FSTL5: variants seen among roughly 807,000 people sequenced by gnomAD.
The protein encoded by FSTL5 is follistatin-related protein 5.
Under a neutral mutation model 89.1 loss-of-function variants are expected in FSTL5, and 62 were observed. That is an observed-to-expected ratio of 0.70 (90% CI 0.57 to 0.86). The LOEUF (loss-of-function observed/expected upper bound fraction) is 0.86. FSTL5 is among the 40% of genes least tolerant of loss of function. The pLI is 0.00. For missense variants in FSTL5, 1,057 were observed against 1,001.6 expected (o/e 1.06, Z -0.75); for synonymous variants, 383 against 346.2 (o/e 1.11, Z -1.18).
At chr4:161,699,804 T>G (rs1738314239) in intron 6 of FSTL5, among the ~76,000 whole-genome samples, 1 of 152,114 alleles carries the variant, frequency 6.6e-6, no homozygotes, top group South Asian at 2.1e-4. Flanking sequence ...CCAGAGTTGA[T>G]GGGGGCAAAG....
intron 6 of FSTL5, among the ~76,000 whole-genome samples, chr4:161,716,013 G>A (rs150979735): frequency 2.6e-5 from 4 of 152,106 alleles, no homozygotes; most frequent in Admixed American, 2.0e-4. Context: ...CTCATTACAC[G>A]CAGCATCAAA....
chr4:161,592,366 G>T (rs893210140), intron 7 of FSTL5, among the ~76,000 whole-genome samples: 1 of 151,962 alleles, frequency 6.6e-6, no homozygotes, highest in Non-Finnish European at 1.5e-5. Context: ...ATGGTGGTTT[G>T]CTGCACCCAT....
At chr4:162,079,883 G>T (rs1480027746) in intron 2 of FSTL5, among the ~76,000 whole-genome samples, 1 of 150,988 alleles carries the variant, frequency 6.6e-6, no homozygotes, top group Non-Finnish European at 1.5e-5. Context: ...ATTGTTTCTT[G>T]TATATATATA....
At chr4:161,670,159 C>A (rs1296527734) in intron 6 of FSTL5, among the ~76,000 whole-genome samples, 1 of 152,072 alleles carries the variant, frequency 6.6e-6, no homozygotes, top group Non-Finnish European at 1.5e-5. Context: ...TAACGAAATT[C>A]AGTGTGGTAG....
At position 161,728,671 on chromosome 4, in the gene FSTL5, AG is replaced by A. The variant is rs762604064; in HGVS notation, c.727+30739del. ...AATATGGTAATATATACCAGGCAAA[AG>A]TTATTTCCTAGGAAAACTGTATAAT... On this transcript the variant is annotated intron_variant, in intron 6 of 15. Transcript: ENST00000306100. 3.9e-5 allele frequency among the ~76,000 whole-genome samples: 6 copies of A among 152,216 alleles called. No individual in the cohort carries two copies. In the East Asian group the frequency reaches 7.7e-4, roughly 20 times the overall value.
intron 4 of FSTL5, among the ~76,000 whole-genome samples, chr4:161,904,807 A>C (rs2110806963): frequency 6.6e-6 from 1 of 152,090 alleles, no homozygotes; most frequent in Admixed American, 6.6e-5. Flanking sequence ...AAGTATGAAG[A>C]CATATCAGTG....
chr4:162,110,503 T>C (rs1217532773), intron 2 of FSTL5, among the ~76,000 whole-genome samples: 1 of 151,882 alleles, frequency 6.6e-6, no homozygotes, highest in Non-Finnish European at 1.5e-5. Context: ...ATAGACAAGT[T>C]GAATACGAAA....
intron 4 of FSTL5, among the ~76,000 whole-genome samples, chr4:161,777,611 C>T (rs185866360): frequency 6.6e-6 from 1 of 151,768 alleles, no homozygotes. Flanking sequence ...TTTTAGGGCC[C>T]CTGGTATATA....
At chr4:161,616,053 C>A (rs1734855015) in intron 7 of FSTL5, among the ~76,000 whole-genome samples, 1 of 151,098 alleles carries the variant, frequency 6.6e-6, no homozygotes, top group Admixed American at 6.6e-5. Context: ...CTTGCTCTTT[C>A]TTTTCTGAGT....
At chr4:161,924,743 T>C (rs904522359) in intron 3 of FSTL5, among the ~76,000 whole-genome samples, 1 of 151,622 alleles carries the variant, frequency 6.6e-6, no homozygotes, top group African/African-American at 2.4e-5. Context: ...ATACAGGGCA[T>C]GGAATAGAGA....
intron 3 of FSTL5, among the ~76,000 whole-genome samples, chr4:161,930,055 T>A (rs1326033177): frequency 6.6e-6 from 1 of 151,820 alleles, no homozygotes; most frequent in Non-Finnish European, 1.5e-5. Context: ...TGGGGAAAGA[T>A]CCTTTAAATT....
At chr4:161,921,495 A>C (rs1458408159) in intron 3 of FSTL5, among the ~76,000 whole-genome samples, 1 of 152,160 alleles carries the variant, frequency 6.6e-6, no homozygotes, top group Non-Finnish European at 1.5e-5. Context: ...TTGAATATAC[A>C]TATGCACATA....
chr4:161,539,326 A>G (rs549119041), intron 9 of FSTL5, among the ~76,000 whole-genome samples: 14 of 152,148 alleles, frequency 9.2e-5, no homozygotes, highest in African/African-American at 3.1e-4. Context: ...GTTTGGGAAA[A>G]CAAGGGTAGA....
Position 161,945,285 on chromosome 4 carries a change from A to G in FSTL5, c.161-24633T>C, listed in dbSNP as rs562188397. ...ACAATGATCTAATTGCAACTTGTAAAGTTGTTTTGTGAAAACATGTGTTAT... is the reference window on the plus strand; with the variant it reads ...ACAATGATCTAATTGCAACTTGTAAGGTTGTTTTGTGAAAACATGTGTTAT... On this transcript the variant is annotated intron_variant, in intron 3 of 15. Transcript: ENST00000306100. Among the ~76,000 whole-genome samples, 6 of 152,316 alleles carry G rather than the reference A, an allele frequency of 3.9e-5. No homozygotes were observed. The East Asian group carries it at 1.2e-3, about 29-fold the overall frequency.
chr4:161,478,135 TA>T (rs1192743854), intron 13 of FSTL5, among the ~76,000 whole-genome samples: 3 of 152,144 alleles, frequency 2.0e-5, no homozygotes, highest in Non-Finnish European at 4.4e-5. Flanking sequence ...AAATAAAGTG[TA>T]CAAAATTGTA....
chr4:161,739,066 T>C (rs926801936), intron 6 of FSTL5, among the ~76,000 whole-genome samples: 2 of 152,232 alleles, frequency 1.3e-5, no homozygotes, highest in Non-Finnish European at 2.9e-5. Flanking sequence ...AAATGTTTGA[T>C]GTGACTACTT....
chr4:161,680,597 T>G (rs960092943), intron 6 of FSTL5, among the ~76,000 whole-genome samples: 1 of 152,084 alleles, frequency 6.6e-6, no homozygotes, highest in East Asian at 1.9e-4. Context: ...ATTTCCCAAA[T>G]GATATGATTT....
intron 12 of FSTL5, among the ~76,000 whole-genome samples, chr4:161,497,903 T>C (rs1280669262): frequency 6.6e-6 from 1 of 151,912 alleles, no homozygotes; most frequent in Non-Finnish European, 1.5e-5. Context: ...TCCTCTTTAA[T>C]ATTTAATTTC....
Position 162,049,728 on chromosome 4 carries a change from A to G in FSTL5, c.127-16070T>C, listed in dbSNP as rs957807987. Among the ~76,000 whole-genome samples, 8 of 152,252 alleles carry G rather than the reference A, an allele frequency of 5.3e-5. No individual in the cohort carries two copies. The East Asian group carries it at 9.7e-4, about 18-fold the overall frequency. On this transcript the variant is annotated intron_variant, in intron 2 of 15. Transcript: ENST00000306100. Reference sequence around the variant, plus strand: ...GCAGATGAAAATAACTAGATCAATCAGAAGTACAATTTCCATACAAGAGAA... The same window carrying G: ...GCAGATGAAAATAACTAGATCAATCGGAAGTACAATTTCCATACAAGAGAA...
Sources: allele counts gnomAD v4.1 joint callset (sites outside exome capture counted in the v4.1 genomes callset), GRCh38; gene constraint gnomAD v4.1.1; transcripts MANE v1.5; gene names NCBI Gene and HGNC (gene_info 2026-07-23, HGNC 2026-07-21).